The following IPO11 variants were observed in gnomAD, a reference collection of about 807,000 sequenced individuals.
IPO11 encodes the protein importin 11.
IPO11 carries 66 observed loss-of-function variants against 143.2 expected under a neutral mutation model. The observed-to-expected ratio is 0.46, with a 90% CI of 0.38 to 0.57. The LOEUF is 0.57. Ranked by LOEUF, IPO11 falls within the 20% of genes least tolerant of loss-of-function variation. The pLI is 0.00. For synonymous variants in IPO11, 385 were observed against 377.8 expected, an observed-to-expected ratio of 1.02 and a Z score of -0.22; for missense variants, 1,026 against 1,141.0, an observed-to-expected ratio of 0.90 and a Z score of 1.45.
At chr5:62,613,694 T>C (rs1746016341) in intron 29 of IPO11, among the ~76,000 whole-genome samples, 1 of 152,110 alleles carries the variant, frequency 6.6e-6, no homozygotes, top group South Asian at 2.1e-4. Context: ...GCAAATTTGC[T>C]GATAGTTTAT....
intron 14 of IPO11, 36 bp downstream of exon 14, chr5:62,489,385 T>A (rs1346200031): frequency 1.4e-6 from 2 of 1,417,282 alleles, no homozygotes; most frequent in Non-Finnish European, 9.7e-7. Context: ...AGCATTTATT[T>A]ATTCAGTAGA....
intron 28 of IPO11, among the ~76,000 whole-genome samples, chr5:62,598,860 A>G (rs975246754): frequency 4.6e-5 from 7 of 151,814 alleles, no homozygotes; most frequent in African/African-American, 1.7e-4. Flanking sequence ...ATCATTTCTT[A>G]TATCAGCCTA....
Position 62,580,631 on chromosome 5 carries a change from A to G in IPO11, c.2583-10946A>G, listed in dbSNP as rs1034541101. Reference sequence around the variant, plus strand: ...TCCATGCGTGGCAGAGCATTACGTTATATTAACATTACAAATTGTGTTACA... The same window carrying G: ...TCCATGCGTGGCAGAGCATTACGTTGTATTAACATTACAAATTGTGTTACA... On this transcript the variant is annotated intron_variant, in intron 27 of 29. Coordinates refer to ENST00000325324, the MANE Select transcript of IPO11 (RefSeq NM_016338.5). The G allele has an allele frequency of 5.2e-6, 8 of 1,551,366 alleles. No homozygotes were observed. The highest frequency in any genetic ancestry group is 1.7e-4 in the Middle Eastern group (1 of 6,014).
At chr5:62,424,232 C>T (rs889556332) in intron 1 of IPO11, among the ~76,000 whole-genome samples, 14 of 151,654 alleles carry the variant, frequency 9.2e-5, no homozygotes, top group Non-Finnish European at 1.3e-4. Context: ...CTCCGCCTCC[C>T]GGGTTCACGC....
At chr5:62,475,300 C>T (rs908955224) in intron 8 of IPO11, among the ~76,000 whole-genome samples, 3 of 152,126 alleles carry the variant, frequency 2.0e-5, no homozygotes, top group African/African-American at 4.8e-5. Flanking sequence ...GCGAGTGAGT[C>T]GCTTGAGCCC....
chr5:62,435,948 G>C (rs1296126419), intron 1 of IPO11, among the ~76,000 whole-genome samples: 1 of 152,140 alleles, frequency 6.6e-6, no homozygotes, highest in East Asian at 1.9e-4. Flanking sequence ...AGAATCGCTT[G>C]AACCCGGGAG....
At chr5:62,524,237 T>C (rs1742296668) in intron 20 of IPO11, among the ~76,000 whole-genome samples, 3 of 152,228 alleles carry the variant, frequency 2.0e-5, no homozygotes, top group South Asian at 4.1e-4. Flanking sequence ...TCTTCAAGCA[T>C]TGATTAAGAC....
At chr5:62,518,308 G>A (rs1437582827) in intron 20 of IPO11, among the ~76,000 whole-genome samples, 1 of 152,092 alleles carries the variant, frequency 6.6e-6, no homozygotes, top group African/African-American at 2.4e-5. Flanking sequence ...GCCAGGTGAG[G>A]TGGCACATGC....
intron 20 of IPO11, among the ~76,000 whole-genome samples, chr5:62,519,726 G>A (rs1317371117): frequency 2.0e-5 from 3 of 152,164 alleles, no homozygotes; most frequent in Admixed American, 2.0e-4. Flanking sequence ...AGTTCTGTAA[G>A]TCAGAAACCT....
intron 22 of IPO11, among the ~76,000 whole-genome samples, chr5:62,531,911 G>T (rs908836064): frequency 6.6e-6 from 1 of 152,170 alleles, no homozygotes; most frequent in African/African-American, 2.4e-5. Context: ...GATGAAGTCA[G>T]TGGCAATAGG....
chr5:62,592,136 C>T (rs577933592), intron 28 of IPO11, among the ~76,000 whole-genome samples: 2 of 152,304 alleles, frequency 1.3e-5, no homozygotes, highest in African/African-American at 4.8e-5. Context: ...AGGCATGAGC[C>T]ACCATGCCCG....
intron 5 of IPO11, among the ~76,000 whole-genome samples, chr5:62,466,033 C>A (rs1245332387): frequency 6.6e-6 from 1 of 152,156 alleles, no homozygotes; most frequent in Non-Finnish European, 1.5e-5. Flanking sequence ...CTCTTCAGAA[C>A]CTGAGAGGTG....
chr5:62,601,752 A>G lies in IPO11; in HGVS notation c.2679-12A>G. 1 of 1,459,272 alleles carries G rather than the reference A, an allele frequency of 6.9e-7. No individual in the cohort carries two copies. The highest frequency in any genetic ancestry group is 9.2e-7 in the Non-Finnish European group (1 of 1,090,052). 90.4% of individuals were successfully genotyped at this position (1,459,272 alleles called of 1,614,324 possible). Reference sequence around the variant, plus strand: ...TTTTATTTAAAACATGTTTTTTAAAAAATTATTATAGCTGTATGTTGATGT... The same window carrying G: ...TTTTATTTAAAACATGTTTTTTAAAGAATTATTATAGCTGTATGTTGATGT... On this transcript the variant is annotated splice_polypyrimidine_tract_variant and intron_variant, in intron 28 of 29. Coordinates refer to ENST00000325324, the MANE Select transcript of IPO11 (RefSeq NM_016338.5).
chr5:62,582,622 C>T (rs1467678740), intron 27 of IPO11, among the ~76,000 whole-genome samples: 1 of 152,086 alleles, frequency 6.6e-6, no homozygotes, highest in Admixed American at 6.6e-5. Flanking sequence ...TAACAATAAC[C>T]ATTTAAGCTG....
chr5:62,515,281 T>C, intron 19 of IPO11, 107 bp from the exon 20 acceptor site: 1 of 607,550 alleles, frequency 1.6e-6, no homozygotes, highest in Non-Finnish European at 2.8e-6. Flanking sequence ...CTAATAAATA[T>C]TAAATATGTG....
intron 27 of IPO11, among the ~76,000 whole-genome samples, chr5:62,564,328 T>A (rs1055427268): frequency 5.9e-5 from 9 of 152,220 alleles, no homozygotes; most frequent in Admixed American, 3.3e-4. Context: ...TTGTAACCTT[T>A]ATTCTAGTTA....
chr5:62,485,346 C>A, intron 11 of IPO11, 73 bp from the exon 12 acceptor site: 3 of 1,157,778 alleles, frequency 2.6e-6, no homozygotes, highest in Admixed American at 1.8e-5. Context: ...AAATATTATA[C>A]TGATGTTATT....
intron 1 of IPO11, chr5:62,418,972 G>T: frequency 1.3e-6 from 2 of 1,536,806 alleles, no homozygotes; most frequent in Non-Finnish European, 8.8e-7. Context: ...TGGGTCGTTA[G>T]GCAATTTTGT....
chr5:62,530,959 G>A (rs979967376), intron 22 of IPO11, among the ~76,000 whole-genome samples, 174 bp downstream of exon 22: 13 of 152,154 alleles, frequency 8.5e-5, no homozygotes, highest in Non-Finnish European at 1.6e-4. Context: ...TTGAGGTTTG[G>A]GGTACAATTG....
Sources: gnomAD v4.1 joint callset for allele counts (sites outside exome capture counted in the v4.1 genomes callset) on GRCh38, gnomAD v4.1.1 for gene constraint, MANE v1.5 for transcripts, NCBI Gene and HGNC (gene_info 2026-07-23, HGNC 2026-07-21) for gene names.